TTC7A: variants seen among roughly 807,000 people sequenced by gnomAD.
The protein encoded by TTC7A is tetratricopeptide repeat domain 7A, also known as tetratricopeptide repeat protein 7A.
TTC7A carries 110 observed loss-of-function variants against 103.7 expected under a neutral mutation model. That is an observed-to-expected ratio of 1.06 (90% confidence interval 0.91 to 1.24). The LOEUF is 1.24. Among genes scored for constraint, TTC7A ranks in the 50% most tolerant of loss-of-function variants. The probability of loss-of-function intolerance (pLI) is 0.00; values close to 1 mark genes in which losing one functional copy is unlikely to be tolerated. For synonymous variants in TTC7A, 521 were observed against 467.9 expected, an observed-to-expected ratio of 1.11 and a Z score of -1.47; for missense variants, 1,340 against 1,116.3, an observed-to-expected ratio of 1.20 and a Z score of -2.86.
intron 4 of TTC7A, chr2:46,978,229 G>C (rs2104261680): frequency 6.5e-6 from 1 of 153,536 alleles, no homozygotes; most frequent in South Asian, 2.0e-4. Context: ...GACAGACAGA[G>C]AAGTCCTCCT....
chr2:47,046,259 C>T, intron 15 of TTC7A, 56 bp from the exon 16 acceptor site: 31 of 1,407,232 alleles, frequency 2.2e-5, no homozygotes, highest in Non-Finnish European at 2.9e-5. Context: ...GCAGGATCCC[C>T]AGGTGAAAGT....
At chr2:46,940,543 A>G (rs192905967), upstream of TTC7A, among the ~76,000 whole-genome samples, 14 of 152,368 alleles carry the variant, frequency 9.2e-5, no homozygotes, top group East Asian at 1.7e-3. The surrounding 1 kb of genome is among the most constrained non-coding windows in gnomAD (Gnocchi z 4.7). Context: ...CTTTGATCAC[A>G]GTCTTAGACC....
intron 4 of TTC7A, among the ~76,000 whole-genome samples, chr2:46,978,522 T>A (rs1674100686): frequency 6.9e-6 from 1 of 144,670 alleles, no homozygotes; most frequent in African/African-American, 2.5e-5. Flanking sequence ...AGCCCAGGAG[T>A]TTGAGATCAG....
At chr2:47,045,414 G>C (rs972166579) in intron 15 of TTC7A, 1 of 152,294 alleles carries the variant, frequency 6.6e-6, no homozygotes, top group African/African-American at 2.4e-5. Context: ...GTCCAGGGTA[G>C]AGGGAGGGAG....
chr2:46,942,777 A>T (rs948267562), intron 1 of TTC7A, among the ~76,000 whole-genome samples: 3 of 152,216 alleles, frequency 2.0e-5, no homozygotes, highest in Admixed American at 6.5e-5. Context: ...TTACCTCTCA[A>T]AGATGTACAG....
chr2:46,994,947 C>T (rs1676024793), intron 7 of TTC7A, among the ~76,000 whole-genome samples, 189 bp from the exon 8 acceptor site: 1 of 152,138 alleles, frequency 6.6e-6, no homozygotes, highest in Non-Finnish European at 1.5e-5. Flanking sequence ...GCCCAGCAGC[C>T]ACCACCCACC....
intron 5 of TTC7A, among the ~76,000 whole-genome samples, chr2:46,991,526 CA>C (rs1205968040): frequency 6.6e-6 from 1 of 152,038 alleles, no homozygotes; most frequent in Non-Finnish European, 1.5e-5. Context: ...TAGTGACACA[CA>C]ATGTGGTTTT....
chr2:46,983,859 C>T (rs1351107110), intron 5 of TTC7A, among the ~76,000 whole-genome samples: 1 of 152,192 alleles, frequency 6.6e-6, no homozygotes, highest in Non-Finnish European at 1.5e-5. Context: ...CTCCCTCCCT[C>T]CCAAGGACCT....
At chr2:47,068,984 G>A (rs1219878198) in intron 19 of TTC7A, among the ~76,000 whole-genome samples, 2 of 151,350 alleles carry the variant, frequency 1.3e-5, no homozygotes, top group South Asian at 2.1e-4. Flanking sequence ...GCCTTTGGCT[G>A]TACCTCCTGC....
chr2:47,006,373 C>G (rs544568908), intron 9 of TTC7A, among the ~76,000 whole-genome samples: 1 of 152,318 alleles, frequency 6.6e-6, no homozygotes, highest in Non-Finnish European at 1.5e-5. Flanking sequence ...AAATCTTATT[C>G]CATTTGCTCT....
Position 47,007,309 on chromosome 2 carries a change from C to T in TTC7A, c.1287+585C>T, listed in dbSNP as rs1394743795. 1.3e-5 allele frequency among the ~76,000 whole-genome samples: 2 copies of T among 152,046 alleles called. No individual in the cohort carries two copies. Among genetic ancestry groups the T allele is most frequent in the East Asian group, 3.9e-4 (2 of 5,168 alleles). ...GGGCATGAGTTCACTCTCTATCCAC[C>T]CAGCTCCGGTGCCATCACCCCTGCT... is the stretch of plus-strand genomic sequence containing the variant. On this transcript the variant is annotated intron_variant, in intron 10 of 19. Transcript: ENST00000319190. The surrounding 1 kb of genome is among the most constrained non-coding windows in gnomAD (Gnocchi z 4.9).
chr2:46,966,254 A>G (rs1672835017), intron 3 of TTC7A, among the ~76,000 whole-genome samples: 1 of 151,894 alleles, frequency 6.6e-6, no homozygotes, highest in Admixed American at 6.6e-5. Flanking sequence ...TGGCCTGCAT[A>G]CTTTCTACTC....
At chr2:47,011,727 G>A (rs930857523) in intron 11 of TTC7A, among the ~76,000 whole-genome samples, 9 of 152,254 alleles carry the variant, frequency 5.9e-5, no homozygotes, top group African/African-American at 2.2e-4. Flanking sequence ...CAGCAGCAGA[G>A]TAGTAGGTAA....
intron 6 of TTC7A, 48 bp from the exon 7 acceptor site, chr2:46,994,309 G>A (rs191376516): frequency 6.3e-7 from 1 of 1,582,266 alleles, no homozygotes; most frequent in Non-Finnish European, 8.6e-7. Flanking sequence ...TCATGCTGGG[G>A]TAGAGCTGAC....
chr2:47,061,693 T>C (rs979336188), intron 19 of TTC7A, among the ~76,000 whole-genome samples: 1 of 152,230 alleles, frequency 6.6e-6, no homozygotes, highest in Non-Finnish European at 1.5e-5. Context: ...GTTTTAATTA[T>C]CTGTCCGGTG....
chr2:46,959,737 C>T (rs1672208698), intron 3 of TTC7A, among the ~76,000 whole-genome samples: 1 of 152,196 alleles, frequency 6.6e-6, no homozygotes, highest in African/African-American at 2.4e-5. Context: ...CTGTGTGTTA[C>T]ACCCAAAGAT....
chr2:47,016,605 G>A (rs1678682477), intron 11 of TTC7A, among the ~76,000 whole-genome samples: 1 of 152,200 alleles, frequency 6.6e-6, no homozygotes, highest in Non-Finnish European at 1.5e-5. Context: ...GGAGAAGGAA[G>A]GTTGAAGAGA....
chr2:46,996,149 T>C (rs972185371), intron 8 of TTC7A, among the ~76,000 whole-genome samples: 3 of 152,142 alleles, frequency 2.0e-5, no homozygotes, highest in African/African-American at 2.4e-5. Flanking sequence ...GAGAGTGCAC[T>C]GTGGCTGTGT....
chr2:46,973,717 A>G (rs900171722), intron 3 of TTC7A, among the ~76,000 whole-genome samples: 3 of 152,158 alleles, frequency 2.0e-5, no homozygotes, highest in Admixed American at 6.5e-5. Flanking sequence ...AAAATGCCCA[A>G]ATCGTGCCAG....
Sources: allele counts gnomAD v4.1 joint callset (sites outside exome capture counted in the v4.1 genomes callset), GRCh38; gene constraint gnomAD v4.1.1; non-coding constraint Gnocchi (gnomAD v3.1); transcripts MANE v1.5; gene names NCBI Gene and HGNC (gene_info 2026-07-23, HGNC 2026-07-21).